RNF170: variants seen among roughly 807,000 people sequenced by gnomAD.
RNF170 encodes the protein E3 ubiquitin-protein ligase RNF170.
Under a neutral mutation model 32.7 loss-of-function variants are expected in RNF170, and 12 were observed. The ratio of observed to expected loss-of-function variants is 0.37; its 90% CI spans 0.24 to 0.60. The LOEUF is 0.60. Among genes scored for constraint, RNF170 ranks in the 20% least tolerant of loss-of-function variants. The probability of loss-of-function intolerance (pLI) is 0.72; values close to 1 mark genes in which losing one functional copy is unlikely to be tolerated. For synonymous variants in RNF170, 91 were observed against 103.6 expected, an observed-to-expected ratio of 0.88 and a Z score of 0.74; for missense variants, 212 against 311.2, an observed-to-expected ratio of 0.68 and a Z score of 2.40.
At chr8:42,856,582 A>T (rs62515904) in intron 6 of RNF170, among the ~76,000 whole-genome samples, 154 bp from the exon 7 acceptor site, 165 of 152,344 alleles carry the variant, frequency 1.1e-3, no homozygotes, top group Non-Finnish European at 1.8e-3. Context: ...TGTATTTAAA[A>T]ATAGCTCTTT....
At chr8:42,896,415 C>CCA (rs1288790920) in intron 1 of RNF170, 69 bp downstream of exon 1, 1 of 451,568 alleles carries the variant, frequency 2.2e-6, no homozygotes, top group African/African-American at 2.0e-5. Context: ...CCCAAGAAGG[C>CCA]CAGACCCCGC....
chr8:42,864,459 A>G (rs997974068), intron 5 of RNF170, among the ~76,000 whole-genome samples: 1 of 152,168 alleles, frequency 6.6e-6, no homozygotes, highest in Non-Finnish European at 1.5e-5. Context: ...ACAGTGTACA[A>G]CTGACACAAT....
At chr8:42,896,750 C>G (rs1410590427), upstream of RNF170, 2 of 131,912 alleles carry the variant, frequency 1.5e-5, no homozygotes, top group East Asian at 2.0e-4. Flanking sequence ...CCGGCGGCAG[C>G]GGCGGCGGCG....
At chr8:42,869,100 G>C (rs1804332793) in intron 4 of RNF170, among the ~76,000 whole-genome samples, 1 of 151,842 alleles carries the variant, frequency 6.6e-6, no homozygotes, top group Non-Finnish European at 1.5e-5. Context: ...TGTGGAGACA[G>C]GGTCTCCTTA....
chr8:42,875,891 T>C (rs1375821448), intron 2 of RNF170, among the ~76,000 whole-genome samples: 1 of 152,180 alleles, frequency 6.6e-6, no homozygotes, highest in Admixed American at 6.5e-5. Flanking sequence ...TGTTAAAGCT[T>C]GATGCATTCT....
intron 4 of RNF170, among the ~76,000 whole-genome samples, chr8:42,865,798 A>C (rs951130026): frequency 6.6e-6 from 1 of 152,210 alleles, no homozygotes; most frequent in Admixed American, 6.5e-5. Flanking sequence ...AGGGTGGCCA[A>C]TATGGTGAAA....
At chr8:42,885,566 CTTCT>C (rs555179318) in intron 2 of RNF170, among the ~76,000 whole-genome samples, 41 of 151,934 alleles carry the variant, frequency 2.7e-4, no homozygotes, top group Admixed American at 2.2e-3. Flanking sequence ...CTTGCCAATG[CTTCT>C]TTCATCTTTA....
At chr8:42,878,408 A>C (rs913031758) in intron 2 of RNF170, among the ~76,000 whole-genome samples, 3 of 152,244 alleles carry the variant, frequency 2.0e-5, no homozygotes, top group African/African-American at 7.2e-5. Context: ...ATGATAAAAA[A>C]GCAAAACAGC....
intron 6 of RNF170, 119 bp downstream of exon 6, chr8:42,861,626 A>C (rs1406528739): frequency 1.1e-5 from 9 of 814,156 alleles, no homozygotes; most frequent in Non-Finnish European, 1.9e-5. Context: ...TATAGGCGTT[A>C]GCTACTGTGC....
rs763860060 is a variant in RNF170, at chr8:42,853,763, G to A, written c.*2396C>T. The A allele has an allele frequency of 1.7e-5, 22 of 1,287,064 alleles. No individual in the cohort carries two copies. Among genetic ancestry groups the A allele is most frequent in the Admixed American group, 2.3e-5 (1 of 43,538 alleles). 79.7% of individuals were successfully genotyped at this position (1,287,064 alleles called of 1,614,324 possible). A position where few individuals can be genotyped will look rare whatever the true frequency, so the allele number is the denominator to read the frequency against. On this transcript the variant is annotated 3_prime_UTR_variant, in exon 7 of 7. Transcript: ENST00000527424. ...TTTATCATCAGAGATCGGTAAAGAT[G>A]ACAACAAGCAGGTCTAAAGTTCTGA...
intron 2 of RNF170, among the ~76,000 whole-genome samples, chr8:42,876,954 CTT>C (rs761345107): frequency 1.4e-4 from 18 of 124,776 alleles, no homozygotes; most frequent in Non-Finnish European, 1.0e-4. Context: ...TGTGCCCGGA[CTT>C]TTTTTTTTTT....
At chr8:42,883,587 A>C (rs1805586823) in intron 2 of RNF170, among the ~76,000 whole-genome samples, 2 of 151,098 alleles carry the variant, frequency 1.3e-5, no homozygotes, top group African/African-American at 4.9e-5. Context: ...AAAAAAAAAA[A>C]AAAAAAGGTC....
In RNF170 at chr8:42,854,693, TAATA is replaced by T; in HGVS notation, c.*1462_*1465del. On this transcript the variant is annotated 3_prime_UTR_variant, in exon 7 of 7. Coordinates refer to ENST00000527424, the MANE Select transcript of RNF170 (RefSeq NM_030954.4). ...CCAGTCTGCATATAGTGAAGCTCAC[TAATA>T]AATTAATGGATGATATTAATAGCAG... 1 of 1,287,370 alleles carries T rather than the reference TAATA, an allele frequency of 7.8e-7. No homozygotes were observed. The highest frequency in any genetic ancestry group is 1.5e-5 in the African/African-American group (1 of 65,920). The allele number at this position is 1,287,370 out of a possible 1,614,324, so 79.7% of individuals were successfully genotyped here.
chr8:42,855,892 A>G lies in RNF170; in HGVS notation c.*267T>C, dbSNP rs767689967. On this transcript the variant is annotated 3_prime_UTR_variant, in exon 7 of 7. Transcript: ENST00000527424. ...AATATATAAAAGCATCCCTTTTTATATAATTCCATATTTTTTCCAGACAAC... is the reference window on the plus strand; with the variant it reads ...AATATATAAAAGCATCCCTTTTTATGTAATTCCATATTTTTTCCAGACAAC... The G allele has an allele frequency of 1.6e-6, 2 of 1,223,830 alleles. No homozygotes were observed. The highest frequency in any genetic ancestry group is 2.7e-5 in the South Asian group (2 of 73,456). 75.8% of individuals were successfully genotyped at this position (1,223,830 alleles called of 1,614,324 possible). A position where few individuals can be genotyped will look rare whatever the true frequency, so the allele number is the denominator to read the frequency against.
rs1376475082 is a variant in RNF170, at chr8:42,873,964, T to C, written c.180A>G (p.Val60=). The change falls in exon 3 of 7, where the codon GTA becomes GTG. Residue 60 remains valine, a synonymous_variant. Coordinates refer to ENST00000527424, the MANE Select transcript of RNF170 (RefSeq NM_030954.4). ...TTTGAAGCTGTTCTCGAAGTACCCT[T>C]ACTAGCTCCTGGTTTTCTGGGTGAA... ...QNIHPENQEL[V]RVLREQLQTE... 17 of 1,603,518 alleles carry C rather than the reference T, an allele frequency of 1.1e-5. No homozygotes were observed. The highest frequency in any genetic ancestry group is 1.4e-5 in the Non-Finnish European group (16 of 1,170,584).
At chr8:42,876,409 G>C (rs188075565) in intron 2 of RNF170, among the ~76,000 whole-genome samples, 1 of 151,742 alleles carries the variant, frequency 6.6e-6, no homozygotes, top group East Asian at 1.9e-4. Context: ...TAGGTCATGA[G>C]GGTGGTGCCC....
chr8:42,878,544 G>A (rs1805136209), intron 2 of RNF170, among the ~76,000 whole-genome samples: 1 of 152,202 alleles, frequency 6.6e-6, no homozygotes, highest in African/African-American at 2.4e-5. Flanking sequence ...TGAAGCTGAG[G>A]GAGGAGAGGA....
intron 2 of RNF170, among the ~76,000 whole-genome samples, chr8:42,875,097 G>A (rs1701863777): frequency 6.6e-6 from 1 of 151,800 alleles, no homozygotes; most frequent in African/African-American, 2.4e-5. Context: ...CTTAAACCCC[G>A]GAGGTGGAGG....
chr8:42,886,223 CAAA>C (rs938244322), intron 2 of RNF170, among the ~76,000 whole-genome samples: 145 of 140,138 alleles, frequency 1.0e-3, no homozygotes, highest in African/African-American at 3.7e-3. Flanking sequence ...GACTCGGTCT[CAAA>C]AAAAAAAATA....
Sources: allele counts gnomAD v4.1 joint callset (sites outside exome capture counted in the v4.1 genomes callset), GRCh38; gene constraint gnomAD v4.1.1; transcripts MANE v1.5; gene names NCBI Gene and HGNC (gene_info 2026-07-23, HGNC 2026-07-21).